The following MYO5C variants were observed in gnomAD, a reference collection of about 807,000 sequenced individuals.
MYO5C encodes the protein myosin VC.
A neutral mutation model predicts 235.7 loss-of-function variants in MYO5C; 194 were observed. The observed-to-expected ratio is 0.82, with a 90% CI of 0.73 to 0.93. MYO5C has a LOEUF of 0.93. Ranked by LOEUF, MYO5C falls within the 40% of genes least tolerant of loss-of-function variation. MYO5C has a pLI of 0.00. For synonymous variants in MYO5C, 707 were observed against 754.8 expected, an observed-to-expected ratio of 0.94 and a Z score of 1.04; for missense variants, 2,038 against 2,127.2, an observed-to-expected ratio of 0.96 and a Z score of 0.82.
In MYO5C at chr15:52,295,694, G is replaced by A; in HGVS notation, c.-58C>T. 8.1e-7 allele frequency: 1 copy of A among 1,239,932 alleles called. No homozygotes were observed. Among genetic ancestry groups the A allele is most frequent in the Non-Finnish European group, 1.1e-6 (1 of 950,430 alleles). The allele number at this position is 1,239,932 out of a possible 1,614,324, so 76.8% of individuals were successfully genotyped here. On this transcript the variant is annotated 5_prime_UTR_variant, in exon 1 of 41. Transcript: ENST00000261839. ...CCGAACGTGCGAGGCTCGGGGGCTG[G>A]GCCTGCGCCGCAGAGGCCGGGCGCA...
At chr15:52,251,317 C>T in intron 13 of MYO5C, 73 bp downstream of exon 13, 1 of 1,416,020 alleles carries the variant, frequency 7.1e-7, no homozygotes, top group Non-Finnish European at 9.5e-7. Context: ...AGAAACATTC[C>T]TGGCCTGCCT....
rs139597235 is a variant in MYO5C, at chr15:52,285,042, T to C, written c.28-2150A>G. Among the ~76,000 whole-genome samples, 757 of 152,178 alleles carry C rather than the reference T, an allele frequency of 5.0e-3. 5 individuals carry two copies. Among genetic ancestry groups the C allele is most frequent in the African/African-American group, 0.018 (727 of 41,530 alleles). ...TCAACATTGCATTATGCTTAACATGTTCATATAAAAATGCTGGAGGAAATA... is the reference window on the plus strand; with the variant it reads ...TCAACATTGCATTATGCTTAACATGCTCATATAAAAATGCTGGAGGAAATA... On this transcript the variant is annotated intron_variant, in intron 1 of 40. Transcript: ENST00000261839.
chr15:52,194,455 C>G (rs2035001623), intron 40 of MYO5C, among the ~76,000 whole-genome samples: 1 of 152,162 alleles, frequency 6.6e-6, no homozygotes, highest in South Asian at 2.1e-4. Flanking sequence ...CCGCTTTATA[C>G]TAAAACATGA....
intron 1 of MYO5C, among the ~76,000 whole-genome samples, chr15:52,291,438 T>A (rs1392873346): frequency 2.0e-5 from 3 of 152,210 alleles, no homozygotes; most frequent in African/African-American, 7.2e-5. Flanking sequence ...CACTGTGGCC[T>A]CAGGCCCTCA....
At chr15:52,200,075 T>C (rs563096664) in intron 38 of MYO5C, among the ~76,000 whole-genome samples, 2 of 152,276 alleles carry the variant, frequency 1.3e-5, no homozygotes, top group African/African-American at 4.8e-5. Flanking sequence ...AACTGAACTA[T>C]GAAACATACC....
chr15:52,271,943 A>G (rs2036934646), intron 6 of MYO5C, 99 bp from the exon 7 acceptor site: 2 of 625,534 alleles, frequency 3.2e-6, no homozygotes, highest in African/African-American at 3.7e-5. Flanking sequence ...ATCCGCATGG[A>G]TAATTCTCTG....
intron 34 of MYO5C, 113 bp from the exon 35 acceptor site, chr15:52,211,997 G>T: frequency 9.8e-7 from 1 of 1,021,660 alleles, no homozygotes; most frequent in Non-Finnish European, 1.4e-6. Context: ...CACAGTGCCT[G>T]AATGTATATG....
At chr15:52,261,298 G>C (rs1044111348) in intron 9 of MYO5C, among the ~76,000 whole-genome samples, 171 bp from the exon 10 acceptor site, 1 of 152,260 alleles carries the variant, frequency 6.6e-6, no homozygotes, top group Non-Finnish European at 1.5e-5. Context: ...GTAGAGCAAG[G>C]GGGCTACAGC....
At chr15:52,242,638 A>G (rs1010361574) in intron 19 of MYO5C, 2 of 158,392 alleles carry the variant, frequency 1.3e-5, no homozygotes, top group African/African-American at 4.8e-5. Context: ...CCCCTGTCTA[A>G]ATGACTAGAG....
Position 52,261,012 on chromosome 15 carries a change from G to C in MYO5C, c.1163C>G (p.Pro388Arg). The stretch of plus-strand genomic sequence containing the variant: ...GTTGACAGCCTGAGGCCTGGTCATG[G>C]GTTTTACCACCGTCTCAGAGCTTGT... ...IVTSSETVVK[P>R]MTRPQAVNAR... is the part of the protein sequence containing the mutation. Residue 388 changes from proline to arginine, a missense_variant, in exon 10 of 41, where the codon CCC (proline) becomes CGC (arginine). Physicochemically the swap from Pro to Arg is moderately radical, Grantham distance 103. Transcript: ENST00000261839. 1 of 1,614,174 alleles carries C rather than the reference G, an allele frequency of 6.2e-7. No homozygotes were observed. Among genetic ancestry groups the C allele is most frequent in the Non-Finnish European group, 8.5e-7 (1 of 1,180,022 alleles).
intron 4 of MYO5C, chr15:52,277,172 G>T (rs1345531230): frequency 1.9e-6 from 1 of 529,198 alleles, no homozygotes; most frequent in African/African-American, 2.0e-5. Flanking sequence ...TCCCAGCCCT[G>T]TTCTACAGCC....
chr15:52,216,345 G>A (rs1448578524), intron 32 of MYO5C, among the ~76,000 whole-genome samples: 1 of 152,092 alleles, frequency 6.6e-6, no homozygotes, highest in Non-Finnish European at 1.5e-5. Flanking sequence ...CTCCTGAGTA[G>A]CCAGAGCTAC....
chr15:52,277,848 T>C (rs1382881201), intron 4 of MYO5C: 5 of 455,366 alleles, frequency 1.1e-5, no homozygotes, highest in Non-Finnish European at 2.2e-5. Context: ...TTCTACCTCA[T>C]GTAAGCACCA....
At chr15:52,204,763 G>A in intron 38 of MYO5C, 102 bp downstream of exon 38, 1 of 1,390,428 alleles carries the variant, frequency 7.2e-7, no homozygotes, top group Non-Finnish European at 9.7e-7. Context: ...CTAAACAGGG[G>A]TTTGACGCCA....
At chr15:52,197,903 T>C (rs1219616749) in intron 38 of MYO5C, among the ~76,000 whole-genome samples, 1 of 151,886 alleles carries the variant, frequency 6.6e-6, no homozygotes, top group East Asian at 1.9e-4. Flanking sequence ...CCCAAAGCGC[T>C]GGGATTACAG....
At chr15:52,233,367 G>T (rs1370688645) in intron 23 of MYO5C, among the ~76,000 whole-genome samples, 1 of 152,082 alleles carries the variant, frequency 6.6e-6, no homozygotes, top group Non-Finnish European at 1.5e-5. Flanking sequence ...TTGTGACAAG[G>T]TTTCTCGGTC....
intron 38 of MYO5C, among the ~76,000 whole-genome samples, chr15:52,197,928 G>A (rs993373008): frequency 6.6e-6 from 1 of 152,034 alleles, no homozygotes; most frequent in South Asian, 2.1e-4. Context: ...GAGTGACTGT[G>A]CCTGGCCTGA....
At chr15:52,214,729 C>A in intron 32 of MYO5C, 39 bp from the exon 33 acceptor site, 1 of 1,373,244 alleles carries the variant, frequency 7.3e-7, no homozygotes, top group Non-Finnish European at 9.8e-7. Context: ...AGCTTAGAAG[C>A]ACTTTAATCT....
At position 52,235,688 on chromosome 15, in the gene MYO5C, T is replaced by C. The variant is rs755249154; in HGVS notation, c.2944A>G (p.Lys982Glu). 6.2e-7 allele frequency: 1 copy of C among 1,611,954 alleles called. No homozygotes were observed. ...KEQIQLKLQE[K>E]TEELKEKMDN... ...GCTTTACCTTTTAACTCTTCAGTCT[T>C]CTCTTGAAGCTTCAGCTGTATTTGT... Residue 982 changes from lysine to glutamate, a missense_variant, in exon 23 of 41, where the codon AAG (lysine) becomes GAG (glutamate). Transcript: ENST00000261839.
Sources: allele counts gnomAD v4.1 joint callset (sites outside exome capture counted in the v4.1 genomes callset), GRCh38; gene constraint gnomAD v4.1.1; transcripts MANE v1.5; gene names NCBI Gene and HGNC (gene_info 2026-07-23, HGNC 2026-07-21).